DDX5: variants seen among roughly 807,000 people sequenced by gnomAD.
DDX5 encodes DEAD-box helicase 5, also known as probable ATP-dependent RNA helicase DDX5.
Under a neutral mutation model 68.6 loss-of-function variants are expected in DDX5, and 6 were observed. That is an observed-to-expected ratio of 0.09 (90% confidence interval 0.05 to 0.17). DDX5 has a LOEUF of 0.17. DDX5 is among the 10% of genes least tolerant of loss of function. The pLI is 1.00. For synonymous variants in DDX5, 350 were observed against 247.0 expected, an observed-to-expected ratio of 1.42 and a Z score of -3.91; for missense variants, 499 against 756.1, an observed-to-expected ratio of 0.66 and a Z score of 3.99.
intron 5 of DDX5, 53 bp from the exon 6 acceptor site, chr17:64,503,624 G>A (rs1381909807): frequency 1.6e-5 from 26 of 1,601,072 alleles, no homozygotes; most frequent in Non-Finnish European, 2.1e-5. Context: ...GTTTTAAACT[G>A]CTAACTTATT....
Position 64,500,290 on chromosome 17 carries a change from C to T in DDX5, c.1478G>A (p.Arg493His), listed in dbSNP as rs1188420568. 17 of 1,613,008 alleles carry T rather than the reference C, an allele frequency of 1.1e-5. No homozygotes were observed. The highest frequency in any genetic ancestry group is 1.3e-5 in the African/African-American group (1 of 74,874). The change falls in exon 13 of 13, where the codon CGT becomes CAT. Residue 493 changes from arginine to histidine, a missense_variant. Physicochemically the swap from Arg to His is conservative, Grantham distance 29 (BLOSUM62 0). Transcript: ENST00000225792. ...TTTGCCCGCAGAGTATCTGTCCCGA[C>T]GGTCATCCTTCATGCCTCCTCTACC... ...SRGRGGMKDD[R>H]RDRYSAGKRG... is the part of the protein sequence containing the mutation.
rs1175634700 is a variant in DDX5 at position 64,499,024 on chromosome 17, A to G, written c.*899T>C. Among the ~76,000 whole-genome samples the G allele has an allele frequency of 6.6e-6, 1 of 152,244 alleles. No homozygotes were observed. Among genetic ancestry groups the G allele is most frequent in the Non-Finnish European group, 1.5e-5 (1 of 68,050 alleles). ...ATGACTCCCAGTGTGACTAGTTAAGAGCCCCAGGGAGCCTGTGAAGACTAG... is the reference window on the plus strand; with the variant it reads ...ATGACTCCCAGTGTGACTAGTTAAGGGCCCCAGGGAGCCTGTGAAGACTAG... On this transcript the variant is annotated 3_prime_UTR_variant, in exon 13 of 13. Coordinates refer to ENST00000225792, the MANE Select transcript of DDX5 (RefSeq NM_004396.5).
upstream of DDX5, chr17:64,506,423 T>A (rs1017207592): frequency 2.9e-6 from 4 of 1,373,722 alleles, no homozygotes; most frequent in Non-Finnish European, 3.8e-6. Context: ...CGTTCCAGGA[T>A]CGCCGCGCTT....
chr17:64,499,914 T>G lies in DDX5; in HGVS notation c.*9A>C. 1 of 1,571,998 alleles carries G rather than the reference T, an allele frequency of 6.4e-7. No homozygotes were observed. The highest frequency in any genetic ancestry group is 1.2e-5 in the South Asian group (1 of 84,744). On this transcript the variant is annotated 3_prime_UTR_variant, in exon 13 of 13. Transcript: ENST00000225792. ...TGAAAAACAGACATTTACATATACT[T>G]CTAAAGTCTTATTGGGAATATCCTG... is the stretch of plus-strand genomic sequence containing the variant.
chr17:64,500,459 G>A, intron 12 of DDX5, 90 bp downstream of exon 12: 2 of 1,513,008 alleles, frequency 1.3e-6, no homozygotes, highest in Admixed American at 2.0e-5. Context: ...TCACATTCAA[G>A]GTTTTACTCA....
intron 1 of DDX5, 77 bp from the exon 2 acceptor site, chr17:64,504,919 C>T: frequency 1.4e-6 from 2 of 1,437,618 alleles, no homozygotes; most frequent in East Asian, 2.3e-5. Flanking sequence ...CATCCATTGG[C>T]ACAAGCTAAA....
Position 64,504,133 on chromosome 17 carries a change from A to G in DDX5, c.308-17T>C, listed in dbSNP as rs782602173. 16 of 1,613,806 alleles carry G rather than the reference A, an allele frequency of 9.9e-6. No individual in the cohort carries two copies. Among genetic ancestry groups the G allele is most frequent in the East Asian group, 4.5e-5 (2 of 44,892 alleles). Reference sequence around the variant, plus strand: ...TGACATTTGCTATAATTAGTAACAGATATTTAGTAAAAATTAGTGATGCCA... The same window carrying G: ...TGACATTTGCTATAATTAGTAACAGGTATTTAGTAAAAATTAGTGATGCCA... On this transcript the variant is annotated splice_polypyrimidine_tract_variant and intron_variant, in intron 3 of 12. Transcript: ENST00000225792.
At chr17:64,503,917 G>C (rs140245781) in intron 4 of DDX5, 49 bp from the exon 5 acceptor site, 67 of 1,612,572 alleles carry the variant, frequency 4.2e-5, no homozygotes, top group Admixed American at 6.7e-5. Flanking sequence ...TAAAATACTC[G>C]TTTTTAAATT....
Position 64,503,588 on chromosome 17 carries a change from A to C in DDX5, c.508-17T>G. The C allele has an allele frequency of 1.9e-6, 3 of 1,612,806 alleles. No homozygotes were observed. Among genetic ancestry groups the C allele is most frequent in the South Asian group, 1.1e-5 (1 of 90,824 alleles). On this transcript the variant is annotated splice_polypyrimidine_tract_variant and intron_variant, in intron 5 of 12. Transcript: ENST00000225792. ...CACCAAACACTAAGGAAAGAGAAACAGCTTTCAGCACAAACCTGGATACTA... is the reference window on the plus strand; with the variant it reads ...CACCAAACACTAAGGAAAGAGAAACCGCTTTCAGCACAAACCTGGATACTA...
At chr17:64,506,709 C>T (rs1568112751), upstream of DDX5, 1 of 411,268 alleles carries the variant, frequency 2.4e-6, no homozygotes, top group Non-Finnish European at 4.5e-6. Flanking sequence ...GTCCGCACTA[C>T]TTTCCCGTTG....
chr17:64,506,519 T>G, upstream of DDX5: 1 of 717,648 alleles, frequency 1.4e-6, no homozygotes, highest in East Asian at 3.9e-5. Flanking sequence ...CTCACCTTCT[T>G]CTGGTCTTTC....
At position 64,498,557 on chromosome 17, in the gene DDX5, T is replaced by C. The variant is rs539822859; in HGVS notation, c.*1366A>G. On this transcript the variant is annotated 3_prime_UTR_variant, in exon 13 of 13. Transcript: ENST00000225792. ...TACTACAGGCTGAATTAGTTTTCAATGTCTAAGTCCTAGAAATATCACTCC... is the reference window on the plus strand; with the variant it reads ...TACTACAGGCTGAATTAGTTTTCAACGTCTAAGTCCTAGAAATATCACTCC... Among the ~76,000 whole-genome samples, 3 of 152,370 alleles carry C rather than the reference T, an allele frequency of 2.0e-5. No individual in the cohort carries two copies. Among genetic ancestry groups the C allele is most frequent in the Non-Finnish European group, 4.4e-5 (3 of 68,036 alleles).
At chr17:64,501,096 G>A (rs1555671035) in intron 11 of DDX5, 1 of 331,562 alleles carries the variant, frequency 3.0e-6, no homozygotes, top group African/African-American at 2.1e-5. Context: ...GCGCAGTAGG[G>A]CCACTTAAAG....
Position 64,502,559 on chromosome 17 carries a change from GGA to G in DDX5, c.984-12_984-11del. The G allele has an allele frequency of 1.3e-6, 2 of 1,585,398 alleles. No individual in the cohort carries two copies. Among genetic ancestry groups the G allele is most frequent in the Non-Finnish European group, 1.7e-6 (2 of 1,156,760 alleles). ...CATTAGACGAATAAGTCTAATAATA[GGA>G]GAGAGAAAGGAAAAATCCTGAGTTT... On this transcript the variant is annotated splice_polypyrimidine_tract_variant and intron_variant, in intron 8 of 12. Coordinates refer to ENST00000225792, the MANE Select transcript of DDX5 (RefSeq NM_004396.5).
chr17:64,504,641 A>AT (rs782313215), intron 2 of DDX5, 36 bp downstream of exon 2: 2 of 1,573,430 alleles, frequency 1.3e-6, no homozygotes, highest in East Asian at 4.5e-5. Context: ...TCCACGATCG[A>AT]GTTACAGCCT....
intron 9 of DDX5, 58 bp from the exon 10 acceptor site, chr17:64,502,281 G>A: frequency 6.3e-7 from 1 of 1,577,316 alleles, no homozygotes; most frequent in Non-Finnish European, 8.7e-7. Flanking sequence ...AGACTCCAGT[G>A]CTTGACCACT....
chr17:64,502,878 A>T (rs2038334867), intron 8 of DDX5, 48 bp downstream of exon 8: 1 of 1,504,078 alleles, frequency 6.6e-7, no homozygotes, highest in East Asian at 2.3e-5. Context: ...CCTCAATTTT[A>T]CAGCAAAGTT....
rs782106200 is a variant in DDX5 at position 64,506,126 on chromosome 17, A to G, written c.-7T>C. 2.5e-6 allele frequency: 4 copies of G among 1,609,106 alleles called. No homozygotes were observed. In the South Asian group the frequency reaches 4.4e-5, roughly 18 times the overall value. On this transcript the variant is annotated 5_prime_UTR_variant, in exon 1 of 13. Coordinates refer to ENST00000225792, the MANE Select transcript of DDX5 (RefSeq NM_004396.5). ...CACTCGAATAACCCGACATGGCGTCAATGGTTGCGGTTGGCGGGGAACGAA... is the reference window on the plus strand; with the variant it reads ...CACTCGAATAACCCGACATGGCGTCGATGGTTGCGGTTGGCGGGGAACGAA...
At position 64,502,062 on chromosome 17, in the gene DDX5, T is replaced by C. The variant is rs782740180; in HGVS notation, c.1164A>G (p.Lys388=). Residue 388 remains lysine (K), a synonymous_variant, in exon 11 of 13, where the codon AAA becomes AAG. Transcript: ENST00000225792. The part of the protein sequence containing the change: ...QERDWVLNEF[K]HGKAPILIAT... ...CAATCAGAATAGGAGCTTTTCCATG[T>C]TTGAATTCTACAAAGGAAGGCATAT... is the stretch of plus-strand genomic sequence containing the variant. 46 of 1,614,088 alleles carry C rather than the reference T, an allele frequency of 2.8e-5. 1 individual carries two copies. Among genetic ancestry groups the C allele is most frequent in the Non-Finnish European group, 8.5e-7 (1 of 1,180,028 alleles).
Sources: gnomAD v4.1 joint callset for allele counts (sites outside exome capture counted in the v4.1 genomes callset) on GRCh38, gnomAD v4.1.1 for gene constraint, MANE v1.5 for transcripts, NCBI Gene and HGNC (gene_info 2026-07-23, HGNC 2026-07-21) for gene names.